Variants in LRP1B observed in about 807,000 individuals in gnomAD.
The protein encoded by LRP1B is low-density lipoprotein receptor-related protein 1B.
LRP1B carries 217 observed loss-of-function variants against 556.6 expected under a neutral mutation model. The observed-to-expected ratio is 0.39, with a 90% CI of 0.35 to 0.44. LRP1B has a LOEUF of 0.44. LRP1B is among the 20% of genes least tolerant of loss of function. The probability of loss-of-function intolerance (pLI) is 1.00; values close to 1 mark genes in which losing one functional copy is unlikely to be tolerated. For synonymous variants in LRP1B, 2,047 were observed against 1,865.8 expected (o/e 1.10, Z -2.50); for missense variants, 5,053 against 5,620.8 (o/e 0.90, Z 3.23).
At chr2:141,583,106 G>C (rs1433300624) in intron 2 of LRP1B, among the ~76,000 whole-genome samples, 2 of 152,054 alleles carry the variant, frequency 1.3e-5, no homozygotes, top group Non-Finnish European at 2.9e-5. Flanking sequence ...AAAGTGCTGG[G>C]ATTACAGGCG....
At chr2:140,695,326 C>G (rs1393913184) in intron 41 of LRP1B, among the ~76,000 whole-genome samples, 2 of 152,020 alleles carry the variant, frequency 1.3e-5, no homozygotes, top group Non-Finnish European at 2.9e-5. Flanking sequence ...GGACTTGCAT[C>G]AGAGCTGGTC....
In LRP1B at chr2:141,818,850, T is replaced by A. The variant is rs190987553; in HGVS notation, c.83-8449A>T. ...CGCACCTGGATAACATTTCTGTATC[T>A]TTACTGTTATATTCCTTTGCTTGGG... is the stretch of plus-strand genomic sequence containing the variant. On this transcript the variant is annotated intron_variant, in intron 1 of 90. Coordinates refer to ENST00000389484, the MANE Select transcript of LRP1B (RefSeq NM_018557.3). 2.3e-3 allele frequency among the ~76,000 whole-genome samples: 353 copies of A among 151,920 alleles called. 2 individuals carry two copies. Among genetic ancestry groups the A allele is most frequent in the African/African-American group, 7.7e-3 (321 of 41,486 alleles).
intron 20 of LRP1B, among the ~76,000 whole-genome samples, chr2:140,938,626 A>G (rs1695301326): frequency 6.6e-6 from 1 of 152,094 alleles, no homozygotes; most frequent in Admixed American, 6.6e-5. Flanking sequence ...TATAGGAATA[A>G]AGAGCAGTCA....
At chr2:141,623,045 G>A (rs964604195) in intron 2 of LRP1B, among the ~76,000 whole-genome samples, 5 of 152,050 alleles carry the variant, frequency 3.3e-5, no homozygotes, top group African/African-American at 1.2e-4. Context: ...TGAAGACTAC[G>A]GCAAGTCCAG....
At chr2:141,628,828 T>C (rs568654958) in intron 2 of LRP1B, among the ~76,000 whole-genome samples, 1 of 152,140 alleles carries the variant, frequency 6.6e-6, no homozygotes, top group African/African-American at 2.4e-5. Context: ...TGTTTACTTT[T>C]TGAAAAGATG....
At chr2:141,976,652 T>TAC (rs1449955871) in intron 1 of LRP1B, among the ~76,000 whole-genome samples, 3 of 152,126 alleles carry the variant, frequency 2.0e-5, no homozygotes, top group Non-Finnish European at 4.4e-5. Context: ...CATTTACCAC[T>TAC]ACCTCCTGTA....
chr2:142,097,308 T>C, intron 1 of LRP1B, among the ~76,000 whole-genome samples: 1 of 151,648 alleles, frequency 6.6e-6, no homozygotes. Context: ...TATAGGTCCA[T>C]GATTCTTTAG....
intron 3 of LRP1B, among the ~76,000 whole-genome samples, chr2:141,312,226 G>A (rs998499604): frequency 6.6e-6 from 1 of 151,854 alleles, no homozygotes; most frequent in Non-Finnish European, 1.5e-5. Flanking sequence ...CCCCAAGACG[G>A]TAAGGCCGAC....
chr2:140,353,136 G>T, intron 75 of LRP1B, 64 bp from the exon 76 acceptor site: 3 of 1,556,322 alleles, frequency 1.9e-6, no homozygotes, highest in South Asian at 1.2e-5. Context: ...TTCTTACCAC[G>T]TTTCAAAAAA....
intron 3 of LRP1B, among the ~76,000 whole-genome samples, chr2:141,285,098 A>ATTT (rs543994866): frequency 1.8e-4 from 25 of 135,680 alleles, no homozygotes; most frequent in African/African-American, 5.5e-4. Context: ...CCCATATTTC[A>ATTT]TTTTTTTTTT....
chr2:140,830,787 G>C (rs892966043), intron 31 of LRP1B, among the ~76,000 whole-genome samples: 5 of 151,962 alleles, frequency 3.3e-5, no homozygotes, highest in African/African-American at 1.2e-4. Flanking sequence ...TTTGTTTTAA[G>C]ATGCATGATA....
chr2:140,334,405 T>C, intron 79 of LRP1B, 48 bp downstream of exon 79: 2 of 1,158,800 alleles, frequency 1.7e-6, no homozygotes, highest in Non-Finnish European at 2.6e-6. Context: ...TTAACAGTAA[T>C]ATACTTGTCA....
chr2:140,982,374 G>T, intron 17 of LRP1B, 98 bp from the exon 18 acceptor site: 3 of 702,728 alleles, frequency 4.3e-6, no homozygotes, highest in Non-Finnish European at 7.3e-6. Flanking sequence ...ACATAAGATA[G>T]TATGTTTCTC....
chr2:140,848,675 C>T (rs1324337647), intron 29 of LRP1B, among the ~76,000 whole-genome samples: 1 of 152,154 alleles, frequency 6.6e-6, no homozygotes, highest in Non-Finnish European at 1.5e-5. Context: ...CCATTCCCCT[C>T]CAAATCCTTC....
At chr2:140,636,635 T>C (rs1684080376) in intron 41 of LRP1B, among the ~76,000 whole-genome samples, 1 of 152,176 alleles carries the variant, frequency 6.6e-6, no homozygotes, top group Non-Finnish European at 1.5e-5. Context: ...CACATCCTCC[T>C]TCATCATTTA....
intron 3 of LRP1B, among the ~76,000 whole-genome samples, chr2:141,480,159 T>TTG (rs5834837): frequency 0.22 from 32,752 of 149,536 alleles, 3,826 homozygotes; most frequent in East Asian, 0.46. Flanking sequence ...AAGTCTAAAT[T>TTG]TGTGTGTGTG....
chr2:141,797,157 A>ATAAC (rs1695843915), intron 2 of LRP1B, among the ~76,000 whole-genome samples: 1 of 73,324 alleles, frequency 1.4e-5, no homozygotes, highest in African/African-American at 3.8e-5. Flanking sequence ...ATATATATAT[A>ATAAC]TATATATATA....
At chr2:141,332,947 T>C (rs1297293087) in intron 3 of LRP1B, among the ~76,000 whole-genome samples, 2 of 152,152 alleles carry the variant, frequency 1.3e-5, no homozygotes, top group Non-Finnish European at 2.9e-5. Flanking sequence ...GATTTTCATA[T>C]TGCTTAGCAG....
rs144878656 is a variant in LRP1B at position 141,944,829 on chromosome 2, C to T, written c.83-134428G>A. Among the ~76,000 whole-genome samples, 262 of 152,220 alleles carry T rather than the reference C, an allele frequency of 1.7e-3. 3 individuals are homozygous for T. The highest frequency in any genetic ancestry group is 6.0e-3 in the African/African-American group (251 of 41,536). On this transcript the variant is annotated intron_variant, in intron 1 of 90. Coordinates refer to ENST00000389484, the MANE Select transcript of LRP1B (RefSeq NM_018557.3). Reference sequence around the variant, plus strand: ...TTTGAATTCTGAGATATCTACCATGCCCTTTCTTCTCCCTCTAACACACAC... The same window carrying T: ...TTTGAATTCTGAGATATCTACCATGTCCTTTCTTCTCCCTCTAACACACAC...
Sources: gnomAD v4.1 joint callset for allele counts (sites outside exome capture counted in the v4.1 genomes callset) on GRCh38, gnomAD v4.1.1 for gene constraint, MANE v1.5 for transcripts, NCBI Gene and HGNC (gene_info 2026-07-23, HGNC 2026-07-21) for gene names.